Variants in SDK1 observed in about 807,000 individuals in gnomAD.
SDK1 encodes the protein sidekick cell adhesion molecule 1, also known as protein sidekick-1.
In SDK1, 157 loss-of-function variants were observed where a neutral mutation model predicts 245.5. That is an observed-to-expected ratio of 0.64 (90% CI 0.56 to 0.73). The LOEUF is 0.73. SDK1 is among the 30% of genes least tolerant of loss of function. SDK1 has a pLI of 0.00. For missense variants in SDK1, 3,583 were observed against 3,002.3 expected (o/e 1.19, Z -4.52); for synonymous variants, 1,647 against 1,278.5 (o/e 1.29, Z -6.15).
intron 4 of SDK1, among the ~76,000 whole-genome samples, chr7:3,705,978 G>A (rs76113466): frequency 4.6e-5 from 7 of 152,042 alleles, no homozygotes; most frequent in African/African-American, 1.7e-4. Flanking sequence ...TATAATAAAG[G>A]GATGCTAGAT....
In SDK1 at chr7:3,308,652, A is replaced by AC. The variant is rs556295227; in HGVS notation, c.298+6768_298+6769insC. ...TTTTGGCTTTGGTTCATTTTCAAAA[A>AC]AATTTTTTTTAAATGGATAAGGCTA... On this transcript the variant is annotated intron_variant, in intron 1 of 44. Transcript: ENST00000404826. Among the ~76,000 whole-genome samples, 17 of 152,244 alleles carry AC rather than the reference A, an allele frequency of 1.1e-4. No homozygotes were observed. The South Asian group carries it at 3.3e-3, about 30-fold the overall frequency.
chr7:4,129,571 A>T, intron 26 of SDK1: 1 of 818,034 alleles, frequency 1.2e-6, no homozygotes, highest in South Asian at 2.9e-5. Flanking sequence ...CAGGAAGCAG[A>T]GTGTTGTCTG....
chr7:3,457,938 T>C (rs1214116342), intron 1 of SDK1, among the ~76,000 whole-genome samples: 1 of 152,220 alleles, frequency 6.6e-6, no homozygotes. Context: ...TGGAAATGTC[T>C]ATATTTTACT....
chr7:3,334,007 C>G (rs1583697380), intron 1 of SDK1, among the ~76,000 whole-genome samples: 1 of 152,202 alleles, frequency 6.6e-6, no homozygotes, highest in Non-Finnish European at 1.5e-5. Flanking sequence ...AAAGTGGCTA[C>G]ATCACACTTA....
chr7:3,957,809 C>T (rs534578923), intron 7 of SDK1, among the ~76,000 whole-genome samples: 27 of 152,278 alleles, frequency 1.8e-4, no homozygotes, highest in African/African-American at 6.3e-4. Context: ...TTTCTTCAGG[C>T]TTGGTCTGTA....
intron 17 of SDK1, among the ~76,000 whole-genome samples, chr7:4,046,148 C>T (rs1450912238): frequency 2.0e-5 from 3 of 151,716 alleles, no homozygotes; most frequent in Non-Finnish European, 2.9e-5. Flanking sequence ...CACTATGTTG[C>T]CCAGGCTGGC....
At chr7:3,553,465 C>T (rs1779480483) in intron 1 of SDK1, among the ~76,000 whole-genome samples, 1 of 151,982 alleles carries the variant, frequency 6.6e-6, no homozygotes, top group South Asian at 2.1e-4. Context: ...TGGTTTGGGG[C>T]CCAGGACTAA....
chr7:4,240,892 G>A (rs1001669266), intron 42 of SDK1, among the ~76,000 whole-genome samples: 14 of 152,150 alleles, frequency 9.2e-5, no homozygotes, highest in Admixed American at 3.3e-4. Flanking sequence ...GGAGAAACCC[G>A]TGTTAGGGAG....
intron 4 of SDK1, among the ~76,000 whole-genome samples, chr7:3,681,608 A>C (rs1784103085): frequency 6.6e-6 from 1 of 152,196 alleles, no homozygotes; most frequent in Non-Finnish European, 1.5e-5. Context: ...ACTTACTTAC[A>C]GTGTATATTA....
intron 4 of SDK1, among the ~76,000 whole-genome samples, chr7:3,694,079 C>A (rs1784507642): frequency 6.6e-6 from 1 of 152,148 alleles, no homozygotes; most frequent in Non-Finnish European, 1.5e-5. Context: ...TATGATTATA[C>A]CTGTCTTGCC....
intron 31 of SDK1, 28 bp from the exon 32 acceptor site, chr7:4,161,758 C>G: frequency 6.2e-7 from 1 of 1,600,268 alleles, no homozygotes; most frequent in Non-Finnish European, 8.6e-7. Context: ...CCACCCTGAC[C>G]CCCGCTTTCC....
chr7:4,035,804 A>G (rs1788165599), intron 17 of SDK1, among the ~76,000 whole-genome samples: 1 of 152,188 alleles, frequency 6.6e-6, no homozygotes, highest in Non-Finnish European at 1.5e-5. Context: ...CAAAGACGGT[A>G]TGCTATCAAC....
intron 1 of SDK1, among the ~76,000 whole-genome samples, chr7:3,581,294 A>G (rs1431549669): frequency 2.0e-5 from 3 of 152,238 alleles, no homozygotes; most frequent in African/African-American, 7.2e-5. Context: ...AATCAGTGCT[A>G]TGAACTAAAC....
rs533334187 is a variant in SDK1 at position 3,560,717 on chromosome 7, A to C, written c.299-58363A>C. ...ACCCATTTAAACAGAGTTCAGACCC[A>C]CGTCTCCACTGGGCCTGGCAGAGCC... On this transcript the variant is annotated intron_variant, in intron 1 of 44. Transcript: ENST00000404826. 3.9e-5 allele frequency among the ~76,000 whole-genome samples: 6 copies of C among 152,220 alleles called. No homozygotes were observed. The East Asian group carries it at 1.2e-3, about 29-fold the overall frequency.
intron 1 of SDK1, among the ~76,000 whole-genome samples, chr7:3,542,698 C>T (rs528777000): frequency 6.6e-6 from 1 of 152,140 alleles, no homozygotes; most frequent in Non-Finnish European, 1.5e-5. Flanking sequence ...GTACTATTGT[C>T]TCTCTTTAAA....
At chr7:3,536,592 G>T (rs1469283386) in intron 1 of SDK1, among the ~76,000 whole-genome samples, 2 of 152,002 alleles carry the variant, frequency 1.3e-5, no homozygotes, top group Non-Finnish European at 2.9e-5. Flanking sequence ...TACTTGGGAG[G>T]CTGAGGCACA....
In SDK1 at chr7:3,999,142, G is replaced by T. The variant is rs371084626; in HGVS notation, c.2131+11820G>T. ...TCTCCCCAAACACACACACACACAC[G>T]CACACACACATGTATCATGTCACCA... On this transcript the variant is annotated intron_variant, in intron 14 of 44. Transcript: ENST00000404826. Among the ~76,000 whole-genome samples, 573 of 151,740 alleles carry T rather than the reference G, an allele frequency of 3.8e-3. 11 individuals are homozygous for T. The South Asian group carries it at 0.052, about 14-fold the overall frequency.
rs189706746 is a variant in SDK1 at position 3,724,073 on chromosome 7, C to G, written c.713+81968C>G. 7.9e-5 allele frequency among the ~76,000 whole-genome samples: 12 copies of G among 151,998 alleles called. 1 individual carries two copies. Among genetic ancestry groups the G allele is most frequent in the Admixed American group, 7.9e-4 (12 of 15,286 alleles). On this transcript the variant is annotated intron_variant, in intron 4 of 44. Transcript: ENST00000404826. ...CCGCCTCCCGGGTTCAAGCGATTCT[C>G]CTGCCTTAGCCTCCCAAGTAGCTGG...
intron 4 of SDK1, among the ~76,000 whole-genome samples, chr7:3,752,908 G>T (rs1262675522): frequency 6.6e-6 from 1 of 152,172 alleles, no homozygotes; most frequent in East Asian, 1.9e-4. Flanking sequence ...TGTATAATAA[G>T]TATGTCAAAT....
Sources: allele counts gnomAD v4.1 joint callset (sites outside exome capture counted in the v4.1 genomes callset), GRCh38; gene constraint gnomAD v4.1.1; transcripts MANE v1.5; gene names NCBI Gene and HGNC (gene_info 2026-07-23, HGNC 2026-07-21).